Variants in TMEM63A observed in about 807,000 individuals in gnomAD.
The protein encoded by TMEM63A is transmembrane protein 63A, also known as mechanosensitive cation channel TMEM63A.
A neutral mutation model predicts 100.6 loss-of-function variants in TMEM63A; 76 were observed. That is an observed-to-expected ratio of 0.76 (90% CI 0.63 to 0.91). TMEM63A has a LOEUF of 0.91. TMEM63A is among the 40% of genes least tolerant of loss of function. The probability of loss-of-function intolerance (pLI) is 0.00; values close to 1 mark genes in which losing one functional copy is unlikely to be tolerated. For missense variants in TMEM63A, 876 were observed against 1,008.8 expected (o/e 0.87, Z 1.78); for synonymous variants, 401 against 401.1 (o/e 1.00, Z 0.00).
rs565141415 is a variant in TMEM63A at position 225,845,663 on chromosome 1, G to T, written c.*1276C>A. 105 of 468,928 alleles carry T rather than the reference G, an allele frequency of 2.2e-4. 2 individuals are homozygous for T. The highest frequency in any genetic ancestry group is 1.8e-3 in the African/African-American group (90 of 50,908). The allele number at this position is 468,928 out of a possible 1,614,324, so 29.0% of individuals were successfully genotyped here. On this transcript the variant is annotated 3_prime_UTR_variant, in exon 25 of 25. Coordinates refer to ENST00000366835, the MANE Select transcript of TMEM63A (RefSeq NM_014698.3). ...CCTCCTTGCTGGCAGAGGCACGGGAGGCCTGCTGGGGATGAGGCCACTGGC... is the reference window on the plus strand; with the variant it reads ...CCTCCTTGCTGGCAGAGGCACGGGATGCCTGCTGGGGATGAGGCCACTGGC...
chr1:225,859,793 TACCACCACA>T (rs1216884683), intron 14 of TMEM63A: 2 of 169,088 alleles, frequency 1.2e-5, no homozygotes, highest in Non-Finnish European at 2.6e-5. Context: ...TATAGGCGTG[TACCACCACA>T]CCCAGCTAAT....
chr1:225,851,000 C>T (rs1028118203), intron 20 of TMEM63A, among the ~76,000 whole-genome samples: 6 of 152,136 alleles, frequency 3.9e-5, no homozygotes, highest in South Asian at 4.1e-4. Context: ...CGAGAGCCAC[C>T]GCACCCGGCA....
Position 225,860,893 on chromosome 1 carries a change from AC to A in TMEM63A, c.1189del (p.Val397SerfsTer40), listed in dbSNP as rs774122503. 209 of 1,611,892 alleles carry A rather than the reference AC, an allele frequency of 1.3e-4. No homozygotes were observed. The highest frequency in any genetic ancestry group is 1.7e-4 in the Non-Finnish European group (202 of 1,179,052). ...GTCCTCAGGGTCAGCAGCAAAGGTG[AC>A]TGTCCACTTGGAGGTATAGAGCTCC... is the stretch of plus-strand genomic sequence containing the variant. ...SRELYTSKWT[V>X]TFAADPEDIC... On this transcript the variant is annotated frameshift_variant, in exon 14 of 25. Coordinates refer to ENST00000366835, the MANE Select transcript of TMEM63A (RefSeq NM_014698.3). LOFTEE classifies it high-confidence loss of function.
At chr1:225,878,489 GGTT>G (rs1178434647) in intron 2 of TMEM63A, among the ~76,000 whole-genome samples, 1 of 152,144 alleles carries the variant, frequency 6.6e-6, no homozygotes, top group East Asian at 1.9e-4. Context: ...CTCCAGGCTG[GGTT>G]GTTGACCTTT....
chr1:225,853,860 C>A lies in TMEM63A; in HGVS notation c.1635-69G>T, dbSNP rs186438755. On this transcript the variant is annotated intron_variant, in intron 18 of 24. Transcript: ENST00000366835. This position sits in a 1 kb window ranked among gnomAD's most constrained non-coding sequence, Gnocchi z 4.0. The stretch of plus-strand genomic sequence containing the variant: ...TGGAGGGAGAGGAGGGGCCCCTAGG[C>A]TGGGCAGGAGCAGAAAGCCCCTGGG... The A allele has an allele frequency of 6.8e-6, 10 of 1,462,792 alleles. No individual in the cohort carries two copies. In the East Asian group the frequency reaches 9.7e-5, roughly 14 times the overall value. The allele number at this position is 1,462,792 out of a possible 1,614,324, so 90.6% of individuals were successfully genotyped here.
chr1:225,848,344 C>T, intron 23 of TMEM63A, 148 bp downstream of exon 23: 4 of 742,958 alleles, frequency 5.4e-6, no homozygotes, highest in Non-Finnish European at 8.7e-6. Flanking sequence ...GACCAGGATT[C>T]CTTCTCTGCC....
At chr1:225,854,698 G>A (rs1669527036) in intron 18 of TMEM63A, among the ~76,000 whole-genome samples, 1 of 152,170 alleles carries the variant, frequency 6.6e-6, no homozygotes, top group Admixed American at 6.5e-5. Flanking sequence ...TGGAGGTGCA[G>A]GCTAGAGGCA....
Position 225,874,304 on chromosome 1 carries a change from C to G in TMEM63A, c.250G>C (p.Val84Leu), listed in dbSNP as rs767905205. ...TGTCTTTACCTGTCTGCTTCTGACA[C>G]CAGGGCAATGCGGCCATAGTCCCAG... ...RFWDYGRIAL[V>L]SEADSESRFQ... The change falls in exon 4 of 25, where the codon GTG becomes CTG. Residue 84 changes from valine to leucine, a missense_variant. By Grantham distance (32) the Val-to-Leu change is conservative. Around this residue, in one of 5 missense-constraint regions of TMEM63A, gnomAD observed 487 missense variants for 581.9 expected, o/e 0.84. Transcript: ENST00000366835. 6.2e-7 allele frequency: 1 copy of G among 1,614,092 alleles called. No homozygotes were observed. Among genetic ancestry groups the G allele is most frequent in the South Asian group, 1.1e-5 (1 of 91,056 alleles).
chr1:225,842,531 C>T (rs1247906635), downstream of TMEM63A: 1 of 1,187,982 alleles, frequency 8.4e-7, no homozygotes, highest in African/African-American at 1.5e-5. Context: ...CCAACCTCCT[C>T]ACCCTCTTCA....
chr1:225,869,251 C>T (rs1378224981), intron 6 of TMEM63A, among the ~76,000 whole-genome samples: 1 of 152,242 alleles, frequency 6.6e-6, no homozygotes, highest in Non-Finnish European at 1.5e-5. Flanking sequence ...GCATCAAACA[C>T]CTAGTCCTGT....
chr1:225,861,252 C>T, intron 13 of TMEM63A: 1 of 328,856 alleles, frequency 3.0e-6, no homozygotes, highest in Non-Finnish European at 5.6e-6. Context: ...CTGAGGGCAA[C>T]ACACTGCTCT....
At chr1:225,842,317 C>T, downstream of TMEM63A, 1 of 1,381,062 alleles carries the variant, frequency 7.2e-7, no homozygotes, top group Non-Finnish European at 1.0e-6. Flanking sequence ...AGCTCCAGCT[C>T]TCTGGTCCCC....
At chr1:225,874,734 G>A (rs1329720651) in intron 3 of TMEM63A, among the ~76,000 whole-genome samples, 1 of 152,220 alleles carries the variant, frequency 6.6e-6, no homozygotes, top group Admixed American at 6.5e-5. Context: ...GAGCAGGAGG[G>A]TAAGGTCTGG....
Position 225,853,856 on chromosome 1 carries a change from T to G in TMEM63A, c.1635-65A>C. 2.4e-5 allele frequency: 35 copies of G among 1,452,636 alleles called. No individual in the cohort carries two copies. The highest frequency in any genetic ancestry group is 2.8e-5 in the African/African-American group (2 of 70,346). The allele number at this position is 1,452,636 out of a possible 1,614,324, so 90.0% of individuals were successfully genotyped here. A position where few individuals can be genotyped will look rare whatever the true frequency, so the allele number is the denominator to read the frequency against. ...CTCTTGGAGGGAGAGGAGGGGCCCC[T>G]AGGCTGGGCAGGAGCAGAAAGCCCC... On this transcript the variant is annotated intron_variant, in intron 18 of 24. Coordinates refer to ENST00000366835, the MANE Select transcript of TMEM63A (RefSeq NM_014698.3). This position sits in a 1 kb window ranked among gnomAD's most constrained non-coding sequence, Gnocchi z 4.0.
At chr1:225,843,114 C>T (rs950085454), downstream of TMEM63A, among the ~76,000 whole-genome samples, 1 of 152,164 alleles carries the variant, frequency 6.6e-6, no homozygotes, top group Non-Finnish European at 1.5e-5. Context: ...TGCTGTAGCC[C>T]CATCACCTAG....
chr1:225,842,428 T>C (rs1668506673), downstream of TMEM63A: 2 of 1,614,160 alleles, frequency 1.2e-6, no homozygotes, highest in Non-Finnish European at 1.7e-6. Flanking sequence ...GTTTTCCACC[T>C]GGACCAATAC....
downstream of TMEM63A, chr1:225,842,608 T>G: frequency 3.9e-6 from 3 of 773,162 alleles, no homozygotes; most frequent in South Asian, 4.3e-5. Flanking sequence ...TTACAAATCC[T>G]CACCCTGTGA....
At chr1:225,843,594 C>T (rs1396191309), downstream of TMEM63A, among the ~76,000 whole-genome samples, 1 of 152,192 alleles carries the variant, frequency 6.6e-6, no homozygotes, top group Non-Finnish European at 1.5e-5. Context: ...AGATGTGAGG[C>T]CCCACCAGAC....
intron 6 of TMEM63A, among the ~76,000 whole-genome samples, chr1:225,868,336 TAC>T (rs931933630): frequency 1.3e-5 from 2 of 152,044 alleles, no homozygotes; most frequent in Admixed American, 1.3e-4. Context: ...GGTACGTAAA[TAC>T]AGTCATCTCA....
Sources: gnomAD v4.1 joint callset for allele counts (sites outside exome capture counted in the v4.1 genomes callset) on GRCh38, gnomAD v4.1.1 for gene constraint, gnomAD v4.1.1 regional missense constraint, Gnocchi (gnomAD v3.1) non-coding constraint, MANE v1.5 for transcripts, NCBI Gene and HGNC (gene_info 2026-07-23, HGNC 2026-07-21) for gene names.